Variants in RSPO3 observed in about 807,000 individuals in gnomAD.
RSPO3 encodes the protein R-spondin-3.
A neutral mutation model predicts 36.5 loss-of-function variants in RSPO3; 17 were observed. That is an observed-to-expected ratio of 0.47 (90% CI 0.32 to 0.70). The LOEUF (loss-of-function observed/expected upper bound fraction) is 0.70, where lower values mean the gene tolerates loss of function less well. Ranked by LOEUF, RSPO3 falls within the 30% of genes least tolerant of loss-of-function variation. The pLI, the probability that RSPO3 is intolerant of heterozygous loss-of-function variation, is 0.04. For synonymous variants in RSPO3, 108 were observed against 107.0 expected (o/e 1.01, Z -0.06); for missense variants, 294 against 322.5 (o/e 0.91, Z 0.68).
intron 3 of RSPO3, among the ~76,000 whole-genome samples, chr6:127,153,199 G>A (rs1774525128): frequency 6.6e-6 from 1 of 152,064 alleles, no homozygotes; most frequent in Non-Finnish European, 1.5e-5. Context: ...TCTTAATACA[G>A]AAGCTAGGAG....
In RSPO3 at chr6:127,145,468, T is replaced by C. The variant is rs548901202; in HGVS notation, c.98-3180T>C. Among the ~76,000 whole-genome samples, 30 of 152,296 alleles carry C rather than the reference T, an allele frequency of 2.0e-4. 1 individual carries two copies. Among genetic ancestry groups the C allele is most frequent in the African/African-American group, 6.5e-4 (27 of 41,586 alleles). On this transcript the variant is annotated intron_variant, in intron 1 of 4. Transcript: ENST00000356698. ...ACCCTATGTTTACAGAAGAATTTCATTGGCCTATCTCACAAAAGTTTCTGT... is the reference window on the plus strand; with the variant it reads ...ACCCTATGTTTACAGAAGAATTTCACTGGCCTATCTCACAAAAGTTTCTGT...
intron 1 of RSPO3, among the ~76,000 whole-genome samples, chr6:127,137,163 G>C (rs2489625): frequency 6.6e-6 from 1 of 151,848 alleles, no homozygotes; most frequent in Non-Finnish European, 1.5e-5. Context: ...AGGCTGAGGC[G>C]GGTGGATCAC....
chr6:127,154,440 T>G (rs2114591113), intron 3 of RSPO3, among the ~76,000 whole-genome samples: 1 of 152,216 alleles, frequency 6.6e-6, no homozygotes, highest in East Asian at 1.9e-4. Context: ...CAAAAGAAGC[T>G]TCAGAAAAAG....
rs569474284 is a variant in RSPO3, at chr6:127,172,389, T to A, written c.634+16951T>A. Among the ~76,000 whole-genome samples the A allele has an allele frequency of 2.6e-5, 4 of 151,670 alleles. No individual in the cohort carries two copies. The South Asian group carries it at 8.3e-4, about 31-fold the overall frequency. On this transcript the variant is annotated intron_variant, in intron 4 of 4. Transcript: ENST00000356698. ...TTCCATAGAGCCCCACTAAATAATA[T>A]AACAGCTGGAAGGGATTTATTCATC...
intron 1 of RSPO3, among the ~76,000 whole-genome samples, chr6:127,134,763 C>G (rs766335345): frequency 1.3e-5 from 2 of 152,112 alleles, no homozygotes; most frequent in Non-Finnish European, 2.9e-5. Context: ...TCTCATGGAA[C>G]CTTCACAACA....
rs571167514 is a variant in RSPO3 at position 127,142,788 on chromosome 6, TG to T, written c.98-5859del. On this transcript the variant is annotated intron_variant, in intron 1 of 4. Coordinates refer to ENST00000356698, the MANE Select transcript of RSPO3 (RefSeq NM_032784.5). Reference sequence around the variant, plus strand: ...ATTTTTATTATTCTTTCTTTCTGGTTGTTTTTTTTGTTTGTTTGTTTGTTTG... The same window carrying T: ...ATTTTTATTATTCTTTCTTTCTGGTTTTTTTTTTGTTTGTTTGTTTGTTTG... 1.4e-4 allele frequency among the ~76,000 whole-genome samples: 21 copies of T among 152,130 alleles called. 1 individual carries two copies. In the South Asian group the frequency reaches 2.7e-3, roughly 20 times the overall value.
At chr6:127,126,095 A>T (rs1773934548) in intron 1 of RSPO3, among the ~76,000 whole-genome samples, 2 of 152,126 alleles carry the variant, frequency 1.3e-5, no homozygotes, top group Admixed American at 6.6e-5. Context: ...GAGTATAAGG[A>T]CTCAGGTCTG....
At chr6:127,123,799 C>A (rs574493957) in intron 1 of RSPO3, among the ~76,000 whole-genome samples, 1 of 152,102 alleles carries the variant, frequency 6.6e-6, no homozygotes, top group Non-Finnish European at 1.5e-5. Flanking sequence ...AGTCATTTCT[C>A]CATTAAATAA....
intron 1 of RSPO3, among the ~76,000 whole-genome samples, chr6:127,146,063 AT>A (rs1774376806): frequency 6.6e-6 from 1 of 152,190 alleles, no homozygotes; most frequent in Non-Finnish European, 1.5e-5. Flanking sequence ...CATAAAAAAA[AT>A]CTAGACTCAT....
intron 4 of RSPO3, among the ~76,000 whole-genome samples, chr6:127,177,431 A>T (rs920952633): frequency 6.6e-6 from 1 of 151,810 alleles, no homozygotes; most frequent in Non-Finnish European, 1.5e-5. Context: ...CAGGAGTTGC[A>T]TGTTTGACCC....
chr6:127,131,414 G>A (rs902988058), intron 1 of RSPO3, among the ~76,000 whole-genome samples: 10 of 152,130 alleles, frequency 6.6e-5, no homozygotes, highest in Non-Finnish European at 1.0e-4. Context: ...GAGAGCCTAC[G>A]ATCCAAGAAA....
At chr6:127,173,437 A>T (rs985717881) in intron 4 of RSPO3, among the ~76,000 whole-genome samples, 1 of 151,918 alleles carries the variant, frequency 6.6e-6, no homozygotes, top group Non-Finnish European at 1.5e-5. Context: ...TTATGCTTAA[A>T]TATAAATCCT....
Position 127,196,492 on chromosome 6 carries a change from G to C in RSPO3, c.*485G>C, listed in dbSNP as rs1775518583. 1 of 152,160 alleles carries C rather than the reference G, an allele frequency of 6.6e-6. No individual in the cohort carries two copies. The highest frequency in any genetic ancestry group is 2.4e-5 in the African/African-American group (1 of 41,424). 9.4% of individuals were successfully genotyped at this position (152,160 alleles called of 1,614,324 possible). A position where few individuals can be genotyped will look rare whatever the true frequency, so the allele number is the denominator to read the frequency against. ...AGATCTAGAGAGTGCTCAGAATTAG[G>C]GCCTGGCATTTGGAATCACAGGATT... On this transcript the variant is annotated 3_prime_UTR_variant, in exon 5 of 5. Transcript: ENST00000356698.
intron 1 of RSPO3, among the ~76,000 whole-genome samples, chr6:127,140,262 AT>A (rs531317402): frequency 2.6e-5 from 4 of 152,086 alleles, no homozygotes; most frequent in Non-Finnish European, 5.9e-5. Flanking sequence ...CAAGACTGTA[AT>A]TTTTTTGCTT....
At chr6:127,167,827 T>G (rs1457556217) in intron 4 of RSPO3, among the ~76,000 whole-genome samples, 1 of 151,994 alleles carries the variant, frequency 6.6e-6, no homozygotes. Context: ...GTTCTCATTG[T>G]TCAATTCCCA....
chr6:127,187,664 TG>T (rs2114262378), intron 4 of RSPO3, among the ~76,000 whole-genome samples: 1 of 152,286 alleles, frequency 6.6e-6, no homozygotes, highest in African/African-American at 2.4e-5. Flanking sequence ...AAGAGTTTTA[TG>T]ATCTATCCTA....
chr6:127,136,722 G>C (rs1562241831), intron 1 of RSPO3, among the ~76,000 whole-genome samples: 2 of 152,292 alleles, frequency 1.3e-5, no homozygotes, highest in Middle Eastern at 3.4e-3. Context: ...TAGGGGGATA[G>C]TTGTTTTGTT....
At position 127,198,554 on chromosome 6, in the gene RSPO3, G is replaced by A. The variant is rs751693348; in HGVS notation, c.*2547G>A. Reference sequence around the variant, plus strand: ...TAGTTTACCCCATCAACAGATGGTCGGTAAATTATTGATTCGAAGAATCGA... The same window carrying A: ...TAGTTTACCCCATCAACAGATGGTCAGTAAATTATTGATTCGAAGAATCGA... On this transcript the variant is annotated 3_prime_UTR_variant, in exon 5 of 5. Transcript: ENST00000356698. Among the ~76,000 whole-genome samples the A allele has an allele frequency of 6.6e-5, 10 of 152,230 alleles. No individual in the cohort carries two copies. Among genetic ancestry groups the A allele is most frequent in the Non-Finnish European group, 1.5e-4 (10 of 68,008 alleles).
At chr6:127,129,038 T>C (rs1328843552) in intron 1 of RSPO3, among the ~76,000 whole-genome samples, 1 of 151,996 alleles carries the variant, frequency 6.6e-6, no homozygotes, top group Non-Finnish European at 1.5e-5. Flanking sequence ...TGCCCTAGAG[T>C]CCTCCTTGTT....
Sources: allele counts gnomAD v4.1 joint callset (sites outside exome capture counted in the v4.1 genomes callset), GRCh38; gene constraint gnomAD v4.1.1; transcripts MANE v1.5; gene names NCBI Gene and HGNC (gene_info 2026-07-23, HGNC 2026-07-21).